The following TFCP2 variants were observed in gnomAD, a reference collection of about 807,000 sequenced individuals.
The protein encoded by TFCP2 is transcription factor CP2, also known as alpha-globin transcription factor CP2.
In TFCP2, 33 loss-of-function variants were observed where a neutral mutation model predicts 73.4. The ratio of observed to expected loss-of-function variants is 0.45; its 90% CI spans 0.34 to 0.60. The LOEUF (loss-of-function observed/expected upper bound fraction) is 0.60. Among genes scored for constraint, TFCP2 ranks in the 20% least tolerant of loss-of-function variants. The pLI, the probability that TFCP2 is intolerant of heterozygous loss-of-function variation, is 0.01. For missense variants in TFCP2, 352 were observed against 604.0 expected, an observed-to-expected ratio of 0.58 and a Z score of 4.37; for synonymous variants, 193 against 211.6, an observed-to-expected ratio of 0.91 and a Z score of 0.76.
chr12:51,112,792 G>A (rs190606925), intron 4 of TFCP2, among the ~76,000 whole-genome samples: 91 of 151,664 alleles, frequency 6.0e-4, no homozygotes, highest in South Asian at 1.7e-3. Context: ...GCTTGAACCC[G>A]GGAGACAGAG....
chr12:51,120,468 TG>T (rs895540888), intron 1 of TFCP2, among the ~76,000 whole-genome samples: 1 of 151,950 alleles, frequency 6.6e-6, no homozygotes, highest in Non-Finnish European at 1.5e-5. Flanking sequence ...GGGGATGACT[TG>T]GAAGGTATAT....
chr12:51,149,496 T>C (rs902341211), intron 1 of TFCP2, among the ~76,000 whole-genome samples: 20 of 151,542 alleles, frequency 1.3e-4, no homozygotes, highest in Non-Finnish European at 2.5e-4. Context: ...ACAAGAAAAG[T>C]GTAGGAAAGC....
At chr12:51,145,332 A>G (rs1257497512) in intron 1 of TFCP2, among the ~76,000 whole-genome samples, 1 of 151,406 alleles carries the variant, frequency 6.6e-6, no homozygotes, top group Non-Finnish European at 1.5e-5. Flanking sequence ...CAGTGAGCTG[A>G]GATCACACCA....
chr12:51,102,480 C>A (rs1282275848), intron 10 of TFCP2, among the ~76,000 whole-genome samples: 1 of 152,022 alleles, frequency 6.6e-6, no homozygotes, highest in Non-Finnish European at 1.5e-5. Flanking sequence ...AATCCCAGCA[C>A]TTTGGGATGT....
intron 5 of TFCP2, 23 bp from the exon 6 acceptor site, chr12:51,109,296 G>T (rs1184732353): frequency 6.2e-7 from 1 of 1,612,798 alleles, no homozygotes; most frequent in Non-Finnish European, 8.5e-7. Flanking sequence ...CAACAGCAAG[G>T]CTTCAGTACC....
chr12:51,158,660 T>C (rs2137039509), intron 1 of TFCP2, among the ~76,000 whole-genome samples: 1 of 151,864 alleles, frequency 6.6e-6, no homozygotes, highest in East Asian at 2.0e-4. Flanking sequence ...AGCTAATTTT[T>C]ATATTTTTAG....
intron 1 of TFCP2, among the ~76,000 whole-genome samples, chr12:51,150,437 T>A (rs12302117): frequency 3.6e-4 from 54 of 151,908 alleles, no homozygotes; most frequent in South Asian, 2.1e-3. Context: ...AGAAAAAAAA[T>A]TTTTTTTAAA....
At chr12:51,165,763 A>G (rs888743652) in intron 1 of TFCP2, among the ~76,000 whole-genome samples, 1 of 152,214 alleles carries the variant, frequency 6.6e-6, no homozygotes, top group African/African-American at 2.4e-5. Flanking sequence ...ATTTTATGTT[A>G]TGTGTATTTT....
chr12:51,141,943 G>A (rs1273567512), intron 1 of TFCP2, among the ~76,000 whole-genome samples: 3 of 145,536 alleles, frequency 2.1e-5, no homozygotes, highest in African/African-American at 7.6e-5. Flanking sequence ...AGTGGCTCAC[G>A]CCTGTAATCC....
chr12:51,144,529 T>C lies in TFCP2; in HGVS notation c.123-25757A>G, dbSNP rs185105024. ...AACCCATAAACTGACCCCACATATA[T>C]AGAAATTTGATTTATGACAGCTAGT... On this transcript the variant is annotated intron_variant, in intron 1 of 14. Transcript: ENST00000257915. 1.7e-4 allele frequency among the ~76,000 whole-genome samples: 26 copies of C among 152,266 alleles called. No homozygotes were observed. The East Asian group carries it at 4.8e-3, about 28-fold the overall frequency.
chr12:51,102,059 C>T, intron 10 of TFCP2, 34 bp from the exon 11 acceptor site: 1 of 1,408,828 alleles, frequency 7.1e-7, no homozygotes, highest in Non-Finnish European at 1.0e-6. Context: ...ATGATAAAGG[C>T]AAAGATTCTC....
At position 51,108,999 on chromosome 12, in the gene TFCP2, G is replaced by C; in HGVS notation, c.717+122C>G. On this transcript the variant is annotated intron_variant, in intron 6 of 14. Transcript: ENST00000257915. ...TAATTATTTCAATGACTCTAGCTTA[G>C]ACTTTTTGCGTGTGTGTGAGTTTTC... The C allele has an allele frequency of 1.8e-6, 2 of 1,103,670 alleles. 1 individual carries two copies. The highest frequency in any genetic ancestry group is 2.6e-6 in the Non-Finnish European group (2 of 763,804). 68.4% of individuals were successfully genotyped at this position (1,103,670 alleles called of 1,614,324 possible).
intron 4 of TFCP2, 67 bp from the exon 5 acceptor site, chr12:51,111,050 G>GC: frequency 1.9e-6 from 2 of 1,075,608 alleles, no homozygotes; most frequent in Non-Finnish European, 2.9e-6. Flanking sequence ...AGAAAGCATT[G>GC]ATTCTTATAT....
chr12:51,138,145 G>A (rs1941104534), intron 1 of TFCP2, among the ~76,000 whole-genome samples: 1 of 151,768 alleles, frequency 6.6e-6, no homozygotes, highest in Admixed American at 6.6e-5. Context: ...TGTGTGTTTT[G>A]TTTGTTTGTT....
In TFCP2 at chr12:51,172,790, G is replaced by A. The variant is rs112893221; in HGVS notation, c.-368C>T. Reference sequence around the variant, plus strand: ...CCCAGTCAGACCAGCAGCAGCCGCAGGAAGCCAGCCCGGCGCTCCCACGCT... The same window carrying A: ...CCCAGTCAGACCAGCAGCAGCCGCAAGAAGCCAGCCCGGCGCTCCCACGCT... On this transcript the variant is annotated 5_prime_UTR_variant, in exon 1 of 15. Transcript: ENST00000257915. The A allele has an allele frequency of 8.2e-3, 1,475 of 180,290 alleles. 38 individuals carry two copies. Among genetic ancestry groups the A allele is most frequent in the African/African-American group, 0.032 (1,358 of 42,478 alleles). The allele number at this position is 180,290 out of a possible 1,614,324, so 11.2% of individuals were successfully genotyped here.
At chr12:51,132,387 T>TTTTTTTTTTTTTTTC (rs1186866774) in intron 1 of TFCP2, among the ~76,000 whole-genome samples, 1 of 127,510 alleles carries the variant, frequency 7.8e-6, no homozygotes, top group Non-Finnish European at 1.7e-5. Flanking sequence ...TTTTTTTTTT[T>TTTTTTTTTTTTTTTC]AGACAGAGTC....
intron 1 of TFCP2, among the ~76,000 whole-genome samples, chr12:51,170,505 G>A (rs553341296): frequency 1.3e-4 from 19 of 151,830 alleles, no homozygotes; most frequent in Non-Finnish European, 2.4e-4. Flanking sequence ...CCAGGCCTGG[G>A]TAATTTATTT....
chr12:51,113,103 T>C (rs1940441319), intron 4 of TFCP2, among the ~76,000 whole-genome samples: 2 of 152,092 alleles, frequency 1.3e-5, no homozygotes, highest in Non-Finnish European at 2.9e-5. Context: ...GTATTAACTA[T>C]ACTACTGTTT....
intron 1 of TFCP2, among the ~76,000 whole-genome samples, chr12:51,157,327 T>G (rs1446834875): frequency 6.6e-6 from 1 of 152,064 alleles, no homozygotes; most frequent in Non-Finnish European, 1.5e-5. Flanking sequence ...CGGCCCATGA[T>G]CTCTCTTTTT....
Sources: gnomAD v4.1 joint callset for allele counts (sites outside exome capture counted in the v4.1 genomes callset) on GRCh38, gnomAD v4.1.1 for gene constraint, MANE v1.5 for transcripts, NCBI Gene and HGNC (gene_info 2026-07-23, HGNC 2026-07-21) for gene names.